The following TNR variants were observed in gnomAD, a reference collection of about 807,000 sequenced individuals.
TNR encodes tenascin R, also known as tenascin-R.
A neutral mutation model predicts 150.4 loss-of-function variants in TNR; 45 were observed. The observed-to-expected ratio is 0.30, with a 90% CI of 0.24 to 0.38. The LOEUF (loss-of-function observed/expected upper bound fraction) is 0.38. TNR is among the 10% of genes least tolerant of loss of function. TNR has a pLI of 1.00. For synonymous variants in TNR, 687 were observed against 678.4 expected (o/e 1.01, Z -0.20); for missense variants, 1,544 against 1,759.1 (o/e 0.88, Z 2.19).
chr1:175,567,710 C>T (rs1428852893), intron 1 of TNR, among the ~76,000 whole-genome samples: 2 of 152,156 alleles, frequency 1.3e-5, no homozygotes, highest in Non-Finnish European at 2.9e-5. Context: ...CCCCTCCCTG[C>T]TCTGGAACTC....
At chr1:175,560,991 TCATCTTTAACGTTG>T (rs1392495582) in intron 1 of TNR, among the ~76,000 whole-genome samples, 1 of 152,218 alleles carries the variant, frequency 6.6e-6, no homozygotes, top group Admixed American at 6.5e-5. Context: ...CTTTCTCTTC[TCATCTTTAACGTTG>T]CATCTTTAAC....
At chr1:175,551,857 G>A (rs1660953098) in intron 1 of TNR, among the ~76,000 whole-genome samples, 1 of 152,106 alleles carries the variant, frequency 6.6e-6, no homozygotes, top group African/African-American at 2.4e-5. Flanking sequence ...AATGGGGAGG[G>A]GCAACGTGTG....
rs117703189 is a variant in TNR at position 175,426,567 on chromosome 1, A to G, written c.-63-19790T>C. Among the ~76,000 whole-genome samples the G allele has an allele frequency of 4.7e-3, 712 of 152,116 alleles. 1 individual carries two copies. Among genetic ancestry groups the G allele is most frequent in the Non-Finnish European group, 8.0e-3 (544 of 67,990 alleles). ...CATCTCTGAATCTCCCTAGTCAGAT[A>G]CAAATCATAGCCTTTGTTGTTTATG... On this transcript the variant is annotated intron_variant, in intron 2 of 22. Coordinates refer to ENST00000367674, the MANE Select transcript of TNR (RefSeq NM_003285.3).
rs1036326914 is a variant in TNR at position 175,317,911 on chromosome 1, C to G, written c.*5446G>C. ...GATTTCCCCTTTGGAGAAAATGCAA[C>G]ACTGTCCAAAGACTGTGAGGTTTGC... On this transcript the variant is annotated 3_prime_UTR_variant, in exon 23 of 23. Transcript: ENST00000367674. 2 of 152,230 alleles carry G rather than the reference C, an allele frequency of 1.3e-5. No homozygotes were observed. The highest frequency in any genetic ancestry group is 4.8e-5 in the African/African-American group (2 of 41,438). 9.4% of individuals were successfully genotyped at this position (152,230 alleles called of 1,614,324 possible).
At chr1:175,552,432 G>A (rs1660981596) in intron 1 of TNR, among the ~76,000 whole-genome samples, 2 of 152,292 alleles carry the variant, frequency 1.3e-5, no homozygotes, top group African/African-American at 4.8e-5. Context: ...GTGCTGTCCA[G>A]TTTACAAAGT....
At chr1:175,655,207 A>G (rs898335934) in intron 1 of TNR, among the ~76,000 whole-genome samples, 3 of 152,264 alleles carry the variant, frequency 2.0e-5, no homozygotes, top group South Asian at 2.1e-4. Context: ...GGCAACATGT[A>G]CCCACAAATG....
At chr1:175,361,541 TTTTGTG>T (rs1651588370) in intron 14 of TNR, among the ~76,000 whole-genome samples, 1 of 152,114 alleles carries the variant, frequency 6.6e-6, no homozygotes, top group Non-Finnish European at 1.5e-5. Context: ...GAAGAATAAT[TTTTGTG>T]TTTGTGAAGG....
intron 1 of TNR, among the ~76,000 whole-genome samples, chr1:175,728,275 A>G (rs965338250): frequency 2.0e-5 from 3 of 152,352 alleles, no homozygotes; most frequent in Admixed American, 1.3e-4. Flanking sequence ...GAGTTGGAAT[A>G]CTAGAGCCAG....
chr1:175,553,766 C>T (rs1661036404), intron 1 of TNR, among the ~76,000 whole-genome samples: 1 of 151,764 alleles, frequency 6.6e-6, no homozygotes, highest in Non-Finnish European at 1.5e-5. Context: ...CACACACACA[C>T]ACATTCGTGT....
In TNR at chr1:175,599,998, G is replaced by A. The variant is rs1358378666; in HGVS notation, c.-164-71629C>T. ...TTGCAGGACTTCCATTCGACTGCAC[G>A]CCTACTTATCCTGGCATTCTGCATG... On this transcript the variant is annotated intron_variant, in intron 1 of 22. Coordinates refer to ENST00000367674, the MANE Select transcript of TNR (RefSeq NM_003285.3). This position sits in a 1 kb window ranked among gnomAD's most constrained non-coding sequence, Gnocchi z 4.7. 6.6e-6 allele frequency among the ~76,000 whole-genome samples: 1 copy of A among 152,156 alleles called. No individual in the cohort carries two copies. Among genetic ancestry groups the A allele is most frequent in the Non-Finnish European group, 1.5e-5 (1 of 68,032 alleles).
At chr1:175,614,412 A>T (rs1000871079) in intron 1 of TNR, among the ~76,000 whole-genome samples, 3 of 152,160 alleles carry the variant, frequency 2.0e-5, no homozygotes, top group South Asian at 2.1e-4. Context: ...CCAAACTGGA[A>T]TCTGCCCACC....
At chr1:175,356,916 A>G (rs1651359638) in intron 15 of TNR, among the ~76,000 whole-genome samples, 1 of 152,198 alleles carries the variant, frequency 6.6e-6, no homozygotes, top group Non-Finnish European at 1.5e-5. Context: ...TAAAGTCCAA[A>G]ACTCAGAGAA....
At chr1:175,492,718 T>C (rs1421955220) in intron 2 of TNR, among the ~76,000 whole-genome samples, 1 of 152,138 alleles carries the variant, frequency 6.6e-6, no homozygotes. Flanking sequence ...CGTGGGTGTG[T>C]GTGGGAGTGT....
intron 2 of TNR, among the ~76,000 whole-genome samples, chr1:175,493,222 A>G (rs112450703): frequency 4.3e-4 from 66 of 152,280 alleles, no homozygotes; most frequent in African/African-American, 1.4e-3. Flanking sequence ...CAAAATGGGT[A>G]TTAATGCCAC....
chr1:175,458,538 G>A (rs915054794), intron 2 of TNR, among the ~76,000 whole-genome samples: 5 of 152,196 alleles, frequency 3.3e-5, no homozygotes, highest in African/African-American at 4.8e-5. Context: ...AGCTGTGGAG[G>A]TGAGCTGGAG....
intron 1 of TNR, among the ~76,000 whole-genome samples, chr1:175,668,602 C>G (rs937189327): frequency 5.3e-5 from 8 of 152,182 alleles, no homozygotes. Context: ...CGAATACTGA[C>G]ACCTGGCATC....
intron 17 of TNR, 22 bp from the exon 18 acceptor site, chr1:175,354,545 G>C: frequency 6.2e-7 from 1 of 1,613,628 alleles, no homozygotes; most frequent in South Asian, 1.1e-5. Context: ...GCCAAAGGAA[G>C]GGTGGTGGAA....
intron 18 of TNR, among the ~76,000 whole-genome samples, chr1:175,350,018 T>C (rs1262840773): frequency 6.6e-6 from 1 of 152,250 alleles, no homozygotes; most frequent in African/African-American, 2.4e-5. Context: ...ATCATGAGGC[T>C]TTCCTTTCTA....
chr1:175,539,187 A>G (rs1660404411), intron 1 of TNR: 1 of 152,248 alleles, frequency 6.6e-6, no homozygotes, highest in African/African-American at 2.4e-5. Context: ...CTGTTTACAC[A>G]GTTCCCCAGG....
Sources: allele counts gnomAD v4.1 joint callset (sites outside exome capture counted in the v4.1 genomes callset), GRCh38; gene constraint gnomAD v4.1.1; non-coding constraint Gnocchi (gnomAD v3.1); transcripts MANE v1.5; gene names NCBI Gene and HGNC (gene_info 2026-07-23, HGNC 2026-07-21).